NAV3: variants seen among roughly 807,000 people sequenced by gnomAD.
NAV3 encodes the protein neuron navigator 3.
In NAV3, 87 loss-of-function variants were observed where a neutral mutation model predicts 244.7. The observed-to-expected ratio is 0.36, with a 90% CI of 0.30 to 0.42. The LOEUF (loss-of-function observed/expected upper bound fraction) is 0.42, where lower values mean the gene tolerates loss of function less well. NAV3 is among the 20% of genes least tolerant of loss of function. The probability of loss-of-function intolerance (pLI) is 1.00; values close to 1 mark genes in which losing one functional copy is unlikely to be tolerated. For missense variants in NAV3, 2,663 were observed against 2,893.3 expected (o/e 0.92, Z 1.83); for synonymous variants, 1,126 against 1,042.2 (o/e 1.08, Z -1.55).
rs75782603 is a variant in NAV3 at position 77,673,730 on chromosome 12, T to C, written c.72+101464T>C. Among the ~76,000 whole-genome samples the C allele has an allele frequency of 7.4e-3, 1,125 of 152,236 alleles. 20 individuals are homozygous for C. Among genetic ancestry groups the C allele is most frequent in the African/African-American group, 0.026 (1,072 of 41,538 alleles). ...GAGGAAGTTACATACCCTTCTCTTA[T>C]GGGAAGAATTTTCTATAGAAAATAT... is the stretch of plus-strand genomic sequence containing the variant. On this transcript the variant is annotated intron_variant, in intron 2 of 8. Coordinates refer to the NAV3 transcript ENST00000550042.
At chr12:77,825,413 T>C (rs2136044894) in intron 2 of NAV3, among the ~76,000 whole-genome samples, 1 of 152,268 alleles carries the variant, frequency 6.6e-6, no homozygotes, top group African/African-American at 2.4e-5. Flanking sequence ...ATGCTAACAG[T>C]AGCACAAGAA....
intron 34 of NAV3, among the ~76,000 whole-genome samples, chr12:78,194,041 T>C (rs1959095917): frequency 6.6e-6 from 1 of 152,116 alleles, no homozygotes; most frequent in African/African-American, 2.4e-5. Context: ...TAATGAACTA[T>C]TCTGTTCTCT....
At chr12:77,606,426 C>A (rs1237795969) in intron 2 of NAV3, among the ~76,000 whole-genome samples, 1 of 152,124 alleles carries the variant, frequency 6.6e-6, no homozygotes, top group Non-Finnish European at 1.5e-5. Context: ...CATCATGTCT[C>A]ATTATCCTCT....
At chr12:77,767,627 A>T (rs2369943) in intron 2 of NAV3, among the ~76,000 whole-genome samples, 1 of 152,154 alleles carries the variant, frequency 6.6e-6, no homozygotes, top group Non-Finnish European at 1.5e-5. Flanking sequence ...CACCGGCTCC[A>T]TGTAAGCCTG....
chr12:77,825,146 G>C (rs2136044154), intron 2 of NAV3, among the ~76,000 whole-genome samples: 1 of 152,230 alleles, frequency 6.6e-6, no homozygotes, highest in Non-Finnish European at 1.5e-5. Context: ...CGGAGGCAAA[G>C]CAAACTCTTT....
At chr12:78,064,114 G>C (rs987394357) in intron 12 of NAV3, among the ~76,000 whole-genome samples, 1 of 152,124 alleles carries the variant, frequency 6.6e-6, no homozygotes, top group African/African-American at 2.4e-5. Flanking sequence ...ACTAAAGAAT[G>C]GCAGTGGGGA....
intron 2 of NAV3, among the ~76,000 whole-genome samples, chr12:77,789,867 C>A (rs1592684910): frequency 7.0e-6 from 1 of 143,870 alleles, no homozygotes; most frequent in Non-Finnish European, 1.5e-5. Context: ...AAAAAATTCA[C>A]AAAAAAAGTC....
chr12:78,105,699 A>G (rs1954766336), intron 12 of NAV3, among the ~76,000 whole-genome samples: 1 of 151,788 alleles, frequency 6.6e-6, no homozygotes, highest in Non-Finnish European at 1.5e-5. Context: ...TTTCTTTCAG[A>G]TAATGTTTGC....
At chr12:78,124,990 A>C (rs182630003) in intron 16 of NAV3, among the ~76,000 whole-genome samples, 31 of 152,294 alleles carry the variant, frequency 2.0e-4, no homozygotes, top group African/African-American at 7.5e-4. Context: ...ATAAATTTTA[A>C]TATAAGACAC....
chr12:78,118,250 G>T lies in NAV3; in HGVS notation c.2993G>T (p.Gly998Val), dbSNP rs774016968. 2 of 1,612,658 alleles carry T rather than the reference G, an allele frequency of 1.2e-6. No individual in the cohort carries two copies. The highest frequency in any genetic ancestry group is 1.7e-6 in the Non-Finnish European group (2 of 1,179,024). ...SWRRGMSAQG[G>V]APSRQKAGTS... ...AGAAGAGGCATGTCTGCCCAAGGAG[G>T]GGCGCCATCTAGGCAGAAAGCTGGA... Residue 998 changes from glycine (G) to valine (V), a missense_variant, in exon 14 of 40, where the codon GGG becomes GTG. Physicochemically the swap from Gly to Val is moderately radical, Grantham distance 109. This residue lies in a region of NAV3 where 1,521 missense variants were observed against 1,497.0 expected (regional missense o/e 1.02). Transcript: ENST00000397909.
At chr12:77,707,651 T>C (rs546285153) in intron 2 of NAV3, among the ~76,000 whole-genome samples, 1 of 152,332 alleles carries the variant, frequency 6.6e-6, no homozygotes, top group South Asian at 2.1e-4. Flanking sequence ...TCTTCCACAA[T>C]GGTTGAACTA....
At chr12:77,818,735 C>G (rs756506741) in intron 2 of NAV3, among the ~76,000 whole-genome samples, 1 of 151,998 alleles carries the variant, frequency 6.6e-6, no homozygotes, top group Non-Finnish European at 1.5e-5. Context: ...TACCGCTCAT[C>G]GTTCACATTT....
chr12:77,972,450 A>T (rs1208183155), intron 5 of NAV3, among the ~76,000 whole-genome samples: 1 of 152,140 alleles, frequency 6.6e-6, no homozygotes, highest in Admixed American at 6.6e-5. Flanking sequence ...TATCTATGTC[A>T]GTATTTTTTT....
intron 23 of NAV3, among the ~76,000 whole-genome samples, chr12:78,166,501 G>A (rs1957786822): frequency 6.6e-6 from 1 of 151,620 alleles, no homozygotes; most frequent in South Asian, 2.1e-4. Context: ...TATGAATTTG[G>A]TTGAACTAAT....
At chr12:78,031,960 C>A (rs1301833833) in intron 9 of NAV3, among the ~76,000 whole-genome samples, 1 of 151,924 alleles carries the variant, frequency 6.6e-6, no homozygotes, top group African/African-American at 2.4e-5. Flanking sequence ...AAAAGAGAAG[C>A]TTAGACCTGC....
At chr12:77,946,121 T>G (rs201075263) in intron 3 of NAV3, among the ~76,000 whole-genome samples, 109 of 136,878 alleles carry the variant, frequency 8.0e-4, no homozygotes, top group African/African-American at 2.7e-3. Flanking sequence ...TATATATATA[T>G]TGTGTAAATA....
intron 1 of NAV3, among the ~76,000 whole-genome samples, chr12:77,902,278 G>T (rs1281297350): frequency 6.6e-6 from 1 of 152,148 alleles, no homozygotes; most frequent in Non-Finnish European, 1.5e-5. Flanking sequence ...CAAAGCAGGG[G>T]TTTGACTGGC....
At chr12:78,068,511 A>G (rs1391381871) in intron 12 of NAV3, among the ~76,000 whole-genome samples, 2 of 150,344 alleles carry the variant, frequency 1.3e-5, no homozygotes, top group Non-Finnish European at 3.0e-5. Flanking sequence ...CAGGTGACAG[A>G]ACAGTCATTT....
intron 2 of NAV3, among the ~76,000 whole-genome samples, chr12:77,801,616 T>G (rs1293371917): frequency 6.6e-6 from 1 of 152,302 alleles, no homozygotes; most frequent in South Asian, 2.1e-4. Context: ...TATTACACTA[T>G]GACCCTAAGG....
Sources: allele counts gnomAD v4.1 joint callset (sites outside exome capture counted in the v4.1 genomes callset), GRCh38; gene constraint gnomAD v4.1.1; regional missense constraint gnomAD v4.1.1; transcripts MANE v1.5; gene names NCBI Gene and HGNC (gene_info 2026-07-23, HGNC 2026-07-21).